Variants in LRTM3 observed in about 807,000 individuals in gnomAD.
LRTM3 encodes leucine rich repeat transmembrane protein 3, also known as leucine-rich repeat transmembrane protein 3.
At chr13:102,739,249 C>A in the LRTM3 span, 5 of 1,550,302 alleles carry the variant, frequency 3.2e-6, no homozygotes, top group Admixed American at 2.0e-5. Flanking sequence ...AAAGTGATTT[C>A]TTTCCTTTCA....
At chr13:102,738,751 A>T in the LRTM3 span, 2 of 1,550,530 alleles carry the variant, frequency 1.3e-6, no homozygotes, top group Non-Finnish European at 1.7e-6. Flanking sequence ...TGCCCACTTT[A>T]GAGTAAGGTA....
At chr13:102,743,571 T>C in the LRTM3 span, 13 of 1,550,002 alleles carry the variant, frequency 8.4e-6, no homozygotes, top group Middle Eastern at 1.7e-4. Context: ...ATTGTGTTTA[T>C]CTGGTTTTTA....
the LRTM3 span, chr13:102,750,226 A>G: frequency 1.3e-6 from 2 of 1,551,452 alleles, no homozygotes; most frequent in Non-Finnish European, 8.7e-7. Context: ...TTCCATTTGA[A>G]GATGGCACAT....
At chr13:102,740,183 T>C in the LRTM3 span, 1 of 1,548,388 alleles carries the variant, frequency 6.5e-7, no homozygotes, top group Non-Finnish European at 8.7e-7. Context: ...TGATATTAAA[T>C]CAAAGACCTG....
chr13:102,757,368 T>TAGTCACACAGC, the LRTM3 span, among the ~76,000 whole-genome samples: 11 of 99,632 alleles, frequency 1.1e-4, no homozygotes, highest in African/African-American at 4.2e-4. Flanking sequence ...ATTCACACAG[T>TAGTCACACAGC]GACTAGTGAT....
chr13:102,747,679 T>C, the LRTM3 span: 1 of 1,551,186 alleles, frequency 6.4e-7, no homozygotes, highest in Non-Finnish European at 8.7e-7. Flanking sequence ...TCTCTGGCAT[T>C]GTAAGTGGAT....
chr13:102,739,005 A>AT, the LRTM3 span: 3 of 1,550,170 alleles, frequency 1.9e-6, no homozygotes, highest in Non-Finnish European at 2.6e-6. Flanking sequence ...GGCTGCTCAC[A>AT]TTTTTCCATT....
chr13:102,735,962 A>G, the LRTM3 span: 18 of 1,548,896 alleles, frequency 1.2e-5, no homozygotes, highest in East Asian at 2.5e-5. Context: ...TCCATTGCAT[A>G]GAAGTGCAAG....
chr13:102,743,385 C>T, the LRTM3 span: 1 of 1,550,488 alleles, frequency 6.4e-7, no homozygotes, highest in Non-Finnish European at 8.7e-7. Context: ...AATGTATCAG[C>T]CACATTTTCA....
At chr13:102,731,163 T>G in the LRTM3 span, 1 of 1,551,426 alleles carries the variant, frequency 6.4e-7, no homozygotes, top group Non-Finnish European at 8.7e-7. Flanking sequence ...CTCTGTAGCT[T>G]TGTGATTGTC....
chr13:102,733,720 C>T, the LRTM3 span: 1 of 1,551,308 alleles, frequency 6.4e-7, no homozygotes, highest in Non-Finnish European at 8.7e-7. Flanking sequence ...AATAAATGTC[C>T]TCATCCCGTG....
At chr13:102,747,812 G>A in the LRTM3 span, 1 of 1,551,266 alleles carries the variant, frequency 6.4e-7, no homozygotes, top group Non-Finnish European at 8.7e-7. Flanking sequence ...TGTAGAAAGA[G>A]TTTGTGGTTG....
chr13:102,744,740 TC>T, the LRTM3 span: 4 of 1,550,748 alleles, frequency 2.6e-6, no homozygotes, highest in Non-Finnish European at 3.5e-6. Context: ...ATTTTTATCT[TC>T]CCTTTCATGT....
At chr13:102,744,455 G>A in the LRTM3 span, 5 of 1,550,352 alleles carry the variant, frequency 3.2e-6, no homozygotes, top group Non-Finnish European at 3.5e-6. Flanking sequence ...CCCTGTTTTG[G>A]GAAATGAAGT....
At chr13:102,737,695 G>C in the LRTM3 span, 1 of 1,550,560 alleles carries the variant, frequency 6.4e-7, no homozygotes. Context: ...TCTGTTGCAT[G>C]TAATCTTTTG....
chr13:102,734,917 T>C, the LRTM3 span: 2 of 1,551,074 alleles, frequency 1.3e-6, no homozygotes, highest in African/African-American at 1.4e-5. Context: ...TTCCTTTTTG[T>C]AGATAGATTA....
At chr13:102,758,424 T>C in the LRTM3 span, 24 of 1,534,468 alleles carry the variant, frequency 1.6e-5, no homozygotes, top group Middle Eastern at 1.7e-4. Flanking sequence ...CTCCTGAAGA[T>C]GAATTAATAA....
chr13:102,741,230 T>C, the LRTM3 span: 243 of 1,550,270 alleles, frequency 1.6e-4, 1 homozygote, highest in South Asian at 3.8e-4. Context: ...CAACTTTGAT[T>C]GCTCTTTTCC....
At chr13:102,736,465 C>G in the LRTM3 span, 1 of 1,551,080 alleles carries the variant, frequency 6.4e-7, no homozygotes, top group Non-Finnish European at 8.7e-7. Flanking sequence ...TTACAAGGCT[C>G]TCTGTTGGCT....
Sources: allele counts gnomAD v4.1 joint callset (sites outside exome capture counted in the v4.1 genomes callset), GRCh38; gene constraint gnomAD v4.1.1; transcripts MANE v1.5; gene names NCBI Gene and HGNC (gene_info 2026-07-23, HGNC 2026-07-21).